RIPPLY3: variants seen among roughly 807,000 people sequenced by gnomAD.
The protein encoded by RIPPLY3 is ripply transcriptional repressor 3.
Under a neutral mutation model 11.9 loss-of-function variants are expected in RIPPLY3, and 8 were observed. The ratio of observed to expected loss-of-function variants is 0.67; its 90% CI spans 0.40 to 1.21. The LOEUF is 1.21. RIPPLY3 is among the 50% of genes most tolerant of loss of function. RIPPLY3 has a pLI of 0.01. For synonymous variants in RIPPLY3, 102 were observed against 99.0 expected (o/e 1.03, Z -0.18); for missense variants, 271 against 246.0 (o/e 1.10, Z -0.68).
chr21:37,011,929 C>CA (rs59382996), intron 2 of RIPPLY3, among the ~76,000 whole-genome samples: 2,028 of 47,020 alleles, frequency 0.043, 232 homozygotes, highest in East Asian at 0.062. Context: ...GACTCCGTCT[C>CA]AAAAAAAAAA....
Position 37,018,225 on chromosome 21 carries a change from G to C in RIPPLY3, c.*18G>C, listed in dbSNP as rs2069601979. The stretch of plus-strand genomic sequence containing the variant: ...CCAAATGAATCAGTCTCTGTCTCCT[G>C]GGCCCTGCTCTGGGACCTGCCCCTC... On this transcript the variant is annotated 3_prime_UTR_variant, in exon 4 of 4. Coordinates refer to ENST00000329553, the MANE Select transcript of RIPPLY3 (RefSeq NM_018962.3). The C allele has an allele frequency of 6.2e-7, 1 of 1,602,344 alleles. No individual in the cohort carries two copies.
intron 3 of RIPPLY3, among the ~76,000 whole-genome samples, chr21:37,014,665 G>A (rs1240652218): frequency 6.6e-6 from 1 of 152,212 alleles, no homozygotes; most frequent in Non-Finnish European, 1.5e-5. Context: ...ACACTCATGT[G>A]TAGGCATAAA....
intron 2 of RIPPLY3, 148 bp from the exon 3 acceptor site, chr21:37,013,403 C>T (rs1343874725): frequency 1.3e-5 from 7 of 549,822 alleles, no homozygotes; most frequent in South Asian, 3.1e-5. Flanking sequence ...ACGGGCTTAT[C>T]GAATACTGAT....
At position 37,019,547 on chromosome 21, in the gene RIPPLY3, A is replaced by G. The variant is rs552579729; in HGVS notation, c.*1340A>G. On this transcript the variant is annotated 3_prime_UTR_variant, in exon 4 of 4. Transcript: ENST00000329553. ...GATGTAAAATTATTTTGAGTTTTTA[A>G]TATTTTGATAAACGTGTATTCCTGA... The G allele has an allele frequency of 2.1e-4, 32 of 152,174 alleles. No individual in the cohort carries two copies. Among genetic ancestry groups the G allele is most frequent in the African/African-American group, 6.7e-4 (28 of 41,518 alleles). 9.4% of individuals were successfully genotyped at this position (152,174 alleles called of 1,614,324 possible).
At position 37,006,729 on chromosome 21, in the gene RIPPLY3, C is replaced by A; in HGVS notation, c.-44C>A. ...TAGCCCGAGTGGATCTAGGCGCGCT[C>A]GTAGGCCGGCGCCGCAGCAAGGGGC... is the stretch of plus-strand genomic sequence containing the variant. On this transcript the variant is annotated 5_prime_UTR_variant, in exon 1 of 4. Coordinates refer to ENST00000329553, the MANE Select transcript of RIPPLY3 (RefSeq NM_018962.3). The surrounding 1 kb of genome is among the most constrained non-coding windows in gnomAD (Gnocchi z 5.2). 3.4e-6 allele frequency: 4 copies of A among 1,175,692 alleles called. No homozygotes were observed. Among genetic ancestry groups the A allele is most frequent in the South Asian group, 4.1e-5 (1 of 24,660 alleles). 72.8% of individuals were successfully genotyped at this position (1,175,692 alleles called of 1,614,324 possible).
At chr21:37,008,362 G>T in intron 2 of RIPPLY3, 139 bp downstream of exon 2, 2 of 769,412 alleles carry the variant, frequency 2.6e-6, no homozygotes, top group Non-Finnish European at 4.2e-6. Context: ...CGGGGTCTGG[G>T]AGTTGGAACC....
chr21:37,012,493 G>A (rs953172215), intron 2 of RIPPLY3, among the ~76,000 whole-genome samples: 3 of 151,840 alleles, frequency 2.0e-5, no homozygotes, highest in Non-Finnish European at 4.4e-5. Context: ...TGCCCACTTG[G>A]GCCTCCCAAA....
intron 3 of RIPPLY3, among the ~76,000 whole-genome samples, chr21:37,014,426 C>G (rs997343907): frequency 1.3e-5 from 2 of 152,144 alleles, no homozygotes; most frequent in East Asian, 3.9e-4. Flanking sequence ...GTGTCATGGT[C>G]CTGGTGGTGA....
chr21:37,013,339 T>C (rs1270623397), intron 2 of RIPPLY3, among the ~76,000 whole-genome samples: 15 of 152,144 alleles, frequency 9.9e-5, no homozygotes, highest in Non-Finnish European at 1.5e-5. Flanking sequence ...TCCAACTCCT[T>C]CCATCTGAAT....
Position 37,018,156 on chromosome 21 carries a change from G to A in RIPPLY3, c.522G>A (p.Pro174=), listed in dbSNP as rs200012665. ...SGGGDHWGEG[P]LPQGVSSRGG... is the part of the protein sequence containing the mutation. ...GGGGTGACCACTGGGGGGAGGGTCC[G>A]CTCCCTCAAGGTGTCTCCTCAAGGG... The change falls in exon 4 of 4, where the codon CCG becomes CCA. Residue 174 remains proline (P), a synonymous_variant. Transcript: ENST00000329553. 1.5e-4 allele frequency: 242 copies of A among 1,613,746 alleles called. 6 individuals are homozygous for A. The South Asian group carries it at 2.0e-3, about 13-fold the overall frequency.
chr21:37,011,310 G>A (rs969559716), intron 2 of RIPPLY3, among the ~76,000 whole-genome samples: 1 of 152,150 alleles, frequency 6.6e-6, no homozygotes. Context: ...GCCCTGCCTG[G>A]CATAAAACTT....
chr21:37,014,887 C>T (rs2069562145), intron 3 of RIPPLY3, among the ~76,000 whole-genome samples: 1 of 152,140 alleles, frequency 6.6e-6, no homozygotes, highest in Non-Finnish European at 1.5e-5. Flanking sequence ...CCACCATGCT[C>T]TGCTAATTTT....
intron 1 of RIPPLY3, 25 bp from the exon 2 acceptor site, chr21:37,008,132 T>C: frequency 6.2e-7 from 1 of 1,613,470 alleles, no homozygotes; most frequent in Non-Finnish European, 8.5e-7. Flanking sequence ...CAGGGTTCAC[T>C]CTCTCCTGGC....
chr21:37,014,202 CGGCTACTTGGGA>C (rs1555984963), intron 3 of RIPPLY3, among the ~76,000 whole-genome samples: 1 of 152,052 alleles, frequency 6.6e-6, no homozygotes, highest in Non-Finnish European at 1.5e-5. Context: ...CCTGTAATCC[CGGCTACTTGGGA>C]GGCTGAGGCA....
intron 2 of RIPPLY3, 26 bp from the exon 3 acceptor site, chr21:37,013,525 G>A: frequency 6.2e-7 from 1 of 1,606,382 alleles, no homozygotes; most frequent in Non-Finnish European, 8.5e-7. Flanking sequence ...CACTGTCTCT[G>A]TGTTTGTATG....
chr21:37,009,594 G>A (rs1261941979), intron 2 of RIPPLY3, among the ~76,000 whole-genome samples: 2 of 152,192 alleles, frequency 1.3e-5, no homozygotes, highest in Non-Finnish European at 2.9e-5. Context: ...GTGCTTGTGT[G>A]AGAATATAGA....
chr21:37,008,074 G>C (rs923190450), intron 1 of RIPPLY3, 83 bp from the exon 2 acceptor site: 20 of 1,450,164 alleles, frequency 1.4e-5, no homozygotes, highest in Non-Finnish European at 1.9e-5. Context: ...GCAGACACTG[G>C]AACTAAGAAT....
chr21:37,012,798 T>G (rs2069538137), intron 2 of RIPPLY3, among the ~76,000 whole-genome samples: 1 of 151,712 alleles, frequency 6.6e-6, no homozygotes, highest in African/African-American at 2.4e-5. Context: ...TCACAGGGTC[T>G]CACTTGTTCC....
Position 37,017,921 on chromosome 21 carries a change from G to C in RIPPLY3, c.287G>C (p.Gly96Ala). The C allele has an allele frequency of 6.2e-7, 1 of 1,614,086 alleles. No individual in the cohort carries two copies. The highest frequency in any genetic ancestry group is 1.7e-5 in the Admixed American group (1 of 60,000). ...SKRQEYLRSS[G>A]EQVLASFPVQ... ...CGTCAAGAATACCTGCGGAGTTCCG[G>C]GGAGCAAGTACTGGCCAGTTTCCCA... Residue 96 changes from glycine to alanine, a missense_variant, in exon 4 of 4, where the codon GGG becomes GCG. Gly to Ala is a moderately conservative substitution (Grantham distance 60). Transcript: ENST00000329553.
Sources: allele counts gnomAD v4.1 joint callset (sites outside exome capture counted in the v4.1 genomes callset), GRCh38; gene constraint gnomAD v4.1.1; non-coding constraint Gnocchi (gnomAD v3.1); transcripts MANE v1.5; gene names NCBI Gene and HGNC (gene_info 2026-07-23, HGNC 2026-07-21).